Variants in KCTD9 observed in about 807,000 individuals in gnomAD.
KCTD9 encodes BTB/POZ domain-containing protein KCTD9.
Under a neutral mutation model 53.3 loss-of-function variants are expected in KCTD9, and 17 were observed. The observed-to-expected ratio is 0.32, with a 90% confidence interval of 0.22 to 0.48. The LOEUF is 0.48. Among genes scored for constraint, KCTD9 ranks in the 20% least tolerant of loss-of-function variants. The pLI is 0.99. For missense variants in KCTD9, 179 were observed against 465.5 expected, an observed-to-expected ratio of 0.38 and a Z score of 5.66; for synonymous variants, 128 against 162.7, an observed-to-expected ratio of 0.79 and a Z score of 1.62.
rs1283721426 is a variant in KCTD9 at position 25,458,261 on chromosome 8, T to G, written c.-15A>C. 6.3e-7 allele frequency: 1 copy of G among 1,598,094 alleles called. No individual in the cohort carries two copies. The highest frequency in any genetic ancestry group is 1.7e-5 in the Admixed American group (1 of 59,270). On this transcript the variant is annotated 5_prime_UTR_variant, in exon 1 of 12. Coordinates refer to ENST00000221200, the MANE Select transcript of KCTD9 (RefSeq NM_017634.4). ...ACCCGCCTCATCGCGCTGCCCCCGCTGGGTCCTGAGTGAGCCGCCACCCTC... is the reference window on the plus strand; with the variant it reads ...ACCCGCCTCATCGCGCTGCCCCCGCGGGGTCCTGAGTGAGCCGCCACCCTC...
At chr8:25,446,069 C>G in intron 2 of KCTD9, 60 bp downstream of exon 2, 1 of 1,579,064 alleles carries the variant, frequency 6.3e-7, no homozygotes, top group Non-Finnish European at 8.6e-7. Flanking sequence ...TTAAGGGAAA[C>G]AGCATAGCAC....
At chr8:25,430,447 A>C (rs890408946) in intron 11 of KCTD9, among the ~76,000 whole-genome samples, 5 of 152,108 alleles carry the variant, frequency 3.3e-5, no homozygotes, top group African/African-American at 1.2e-4. Context: ...CAGGAGCGTG[A>C]ACCCTATTGT....
In KCTD9 at chr8:25,435,590, C is replaced by T. The variant is rs952435970; in HGVS notation, c.664-78G>A. The T allele has an allele frequency of 6.8e-5, 93 of 1,358,444 alleles. No individual in the cohort carries two copies. The African/African-American group carries it at 1.2e-3, about 17-fold the overall frequency. 84.1% of individuals were successfully genotyped at this position (1,358,444 alleles called of 1,614,324 possible). ...AAATTTAATTACTATAGCTAACCAC[C>T]AAGTTTTTTTTAGAAGCAATTGGCA... On this transcript the variant is annotated intron_variant, in intron 8 of 11. Coordinates refer to ENST00000221200, the MANE Select transcript of KCTD9 (RefSeq NM_017634.4).
intron 11 of KCTD9, 101 bp downstream of exon 11, chr8:25,432,403 G>T: frequency 9.6e-7 from 1 of 1,043,744 alleles, no homozygotes; most frequent in Non-Finnish European, 1.4e-6. Context: ...TTCCAATCCA[G>T]TTTTACCAGC....
rs573176961 is a variant in KCTD9, at chr8:25,429,051, A to T, written c.*806T>A. 1 of 152,224 alleles carries T rather than the reference A, an allele frequency of 6.6e-6. No homozygotes were observed. Among genetic ancestry groups the T allele is most frequent in the Non-Finnish European group, 1.5e-5 (1 of 68,040 alleles). 9.4% of individuals were successfully genotyped at this position (152,224 alleles called of 1,614,324 possible). ...AAAACTAGGCTAATAGTGTAAATAGATAGAATTGCTTGATCTGGTGTTGAG... is the reference window on the plus strand; with the variant it reads ...AAAACTAGGCTAATAGTGTAAATAGTTAGAATTGCTTGATCTGGTGTTGAG... On this transcript the variant is annotated 3_prime_UTR_variant, in exon 12 of 12. Transcript: ENST00000221200.
intron 6 of KCTD9, among the ~76,000 whole-genome samples, chr8:25,438,122 T>C (rs1193573521): frequency 5.9e-5 from 9 of 152,028 alleles, no homozygotes; most frequent in Non-Finnish European, 1.3e-4. Context: ...TAGCAAATCT[T>C]GGTAATAGCT....
At position 25,458,263 on chromosome 8, in the gene KCTD9, G is replaced by A. The variant is rs1226565941; in HGVS notation, c.-17C>T. ...CCGCCTCATCGCGCTGCCCCCGCTG[G>A]GTCCTGAGTGAGCCGCCACCCTCCC... On this transcript the variant is annotated 5_prime_UTR_variant, in exon 1 of 12. Transcript: ENST00000221200. 1.2e-6 allele frequency: 2 copies of A among 1,610,034 alleles called. No individual in the cohort carries two copies.
chr8:25,448,712 C>T (rs566328641), intron 1 of KCTD9, among the ~76,000 whole-genome samples: 3 of 151,994 alleles, frequency 2.0e-5, no homozygotes, highest in African/African-American at 7.2e-5. Context: ...CTCAGGAGTT[C>T]GAGACCAGCT....
rs1801875916 is a variant in KCTD9 at position 25,428,435 on chromosome 8, T to C, written c.*1422A>G. The C allele has an allele frequency of 6.6e-6, 1 of 152,478 alleles. No homozygotes were observed. Among genetic ancestry groups the C allele is most frequent in the Admixed American group, 6.6e-5 (1 of 15,248 alleles). 9.4% of individuals were successfully genotyped at this position (152,478 alleles called of 1,614,324 possible). A position where few individuals can be genotyped will look rare whatever the true frequency, so the allele number is the denominator to read the frequency against. On this transcript the variant is annotated 3_prime_UTR_variant, in exon 12 of 12. Coordinates refer to ENST00000221200, the MANE Select transcript of KCTD9 (RefSeq NM_017634.4). ...ATAGAAGAATAAGCTACGTAAATAC[T>C]AAAGATATGTCATTCTCCCAAAGGA...
intron 1 of KCTD9, chr8:25,450,387 A>G: frequency 1.0e-6 from 1 of 985,096 alleles, no homozygotes; most frequent in Middle Eastern, 5.2e-4. Context: ...TACCTGGCTT[A>G]CAGCAGGTCT....
intron 5 of KCTD9, 21 bp from the exon 6 acceptor site, chr8:25,439,428 A>G (rs1194365119): frequency 1.3e-6 from 2 of 1,586,004 alleles, no homozygotes; most frequent in African/African-American, 2.7e-5. Flanking sequence ...ATTATAATAA[A>G]GAAAGTCCCC....
chr8:25,441,048 A>G (rs1377132545), intron 3 of KCTD9, among the ~76,000 whole-genome samples: 1 of 152,246 alleles, frequency 6.6e-6, no homozygotes, highest in African/African-American at 2.4e-5. Context: ...AGTTTGCAGT[A>G]AGATCTTATA....
chr8:25,448,675 G>A (rs1042368098), intron 1 of KCTD9, among the ~76,000 whole-genome samples: 2 of 152,172 alleles, frequency 1.3e-5, no homozygotes, highest in African/African-American at 4.8e-5. Flanking sequence ...TGCACTATGG[G>A]AGGCTGAGGC....
Position 25,430,471 on chromosome 8 carries a change from G to A in KCTD9, c.1054-498C>T, listed in dbSNP as rs201250701. 4.6e-5 allele frequency among the ~76,000 whole-genome samples: 7 copies of A among 152,148 alleles called. No individual in the cohort carries two copies. In the East Asian group the frequency reaches 1.3e-3, roughly 29 times the overall value. On this transcript the variant is annotated intron_variant, in intron 11 of 11. Transcript: ENST00000221200. ...GAACCCTATTGTGAACTGCACATGT[G>A]AGGGATCTAGGTGGGGTACTCCTCA... is the stretch of plus-strand genomic sequence containing the variant.
chr8:25,440,816 C>T, intron 3 of KCTD9, 143 bp from the exon 4 acceptor site: 1 of 632,612 alleles, frequency 1.6e-6, no homozygotes, highest in Admixed American at 2.6e-5. Context: ...AACCCACAGA[C>T]TGCATCTAAA....
At chr8:25,444,881 A>G (rs369366881) in intron 2 of KCTD9, among the ~76,000 whole-genome samples, 1 of 152,126 alleles carries the variant, frequency 6.6e-6, no homozygotes, top group Non-Finnish European at 1.5e-5. Context: ...TCCTCAACCC[A>G]TTACCCCAGA....
At chr8:25,446,430 G>A (rs2117424166) in intron 1 of KCTD9, among the ~76,000 whole-genome samples, 180 bp from the exon 2 acceptor site, 1 of 152,110 alleles carries the variant, frequency 6.6e-6, no homozygotes, top group Middle Eastern at 3.4e-3. Flanking sequence ...GCCTAATATT[G>A]CCGACTCCTC....
At chr8:25,453,121 G>A (rs1297723468) in intron 1 of KCTD9, among the ~76,000 whole-genome samples, 1 of 152,166 alleles carries the variant, frequency 6.6e-6, no homozygotes, top group Non-Finnish European at 1.5e-5. Flanking sequence ...CCAGTACTTT[G>A]GGCGGCTGAG....
chr8:25,434,954 AT>A (rs1801992423), intron 9 of KCTD9, among the ~76,000 whole-genome samples: 1 of 152,240 alleles, frequency 6.6e-6, no homozygotes, highest in Admixed American at 6.5e-5. Context: ...TACCATGTTT[AT>A]TTCAAAATAT....
Sources: allele counts gnomAD v4.1 joint callset (sites outside exome capture counted in the v4.1 genomes callset), GRCh38; gene constraint gnomAD v4.1.1; transcripts MANE v1.5; gene names NCBI Gene and HGNC (gene_info 2026-07-23, HGNC 2026-07-21).